Variants in PPP2R2B observed in about 807,000 individuals in gnomAD.
The protein encoded by PPP2R2B is serine/threonine-protein phosphatase 2A 55 kDa regulatory subunit B beta isoform.
PPP2R2B carries 5 observed loss-of-function variants against 46.0 expected under a neutral mutation model. The ratio of observed to expected loss-of-function variants is 0.11; its 90% CI spans 0.06 to 0.23. The LOEUF is 0.23. Among genes scored for constraint, PPP2R2B ranks in the 10% least tolerant of loss-of-function variants. PPP2R2B has a pLI of 1.00. For missense variants in PPP2R2B, 367 were observed against 575.0 expected, an observed-to-expected ratio of 0.64 and a Z score of 3.70; for synonymous variants, 215 against 206.7, an observed-to-expected ratio of 1.04 and a Z score of -0.34.
intron 2 of PPP2R2B, among the ~76,000 whole-genome samples, chr5:146,784,692 G>A (rs958648136): frequency 3.3e-5 from 5 of 152,104 alleles, no homozygotes; most frequent in African/African-American, 1.2e-4. Flanking sequence ...TTCTTTTTGT[G>A]TGGCTCTCAG....
chr5:147,035,284 G>A (rs762038537), intron 1 of PPP2R2B: 17 of 360,522 alleles, frequency 4.7e-5, no homozygotes, highest in Middle Eastern at 9.7e-4. Flanking sequence ...GAGGGGAGAA[G>A]GTGCCACACT....
intron 7 of PPP2R2B, among the ~76,000 whole-genome samples, chr5:146,629,255 C>G (rs322486): frequency 0.13 from 19,100 of 152,152 alleles, 2,310 homozygotes; most frequent in African/African-American, 0.3. Context: ...TTGGTCTTTC[C>G]ATGCCAAAAC....
intron 2 of PPP2R2B, among the ~76,000 whole-genome samples, chr5:146,738,513 C>T (rs1752678229): frequency 6.6e-6 from 1 of 152,008 alleles, no homozygotes; most frequent in Non-Finnish European, 1.5e-5. Context: ...CAAGATTTCA[C>T]CTGGGGAACT....
chr5:146,826,447 A>T (rs2151341247), intron 2 of PPP2R2B, among the ~76,000 whole-genome samples: 1 of 152,172 alleles, frequency 6.6e-6, no homozygotes, highest in Middle Eastern at 3.4e-3. Flanking sequence ...TTTTAGGAGG[A>T]GGGGGATAAG....
chr5:146,957,661 T>C (rs1274420388), intron 1 of PPP2R2B, among the ~76,000 whole-genome samples: 2 of 152,162 alleles, frequency 1.3e-5, no homozygotes, highest in Non-Finnish European at 2.9e-5. Context: ...ATGTAGGTTG[T>C]ACTCTACCCA....
upstream of PPP2R2B, among the ~76,000 whole-genome samples, chr5:146,882,770 TAC>T (rs904507515): frequency 3.9e-5 from 6 of 152,194 alleles, no homozygotes; most frequent in African/African-American, 1.2e-4. Flanking sequence ...GTGTCTAATT[TAC>T]AGTTTATGTA....
intron 2 of PPP2R2B, among the ~76,000 whole-genome samples, chr5:146,743,889 G>T (rs1033874590): frequency 1.8e-4 from 28 of 152,110 alleles, no homozygotes; most frequent in African/African-American, 6.0e-4. Context: ...GGGTTACCAA[G>T]ATTAAAACTA....
chr5:146,950,476 G>A (rs1014085957), intron 1 of PPP2R2B, among the ~76,000 whole-genome samples: 5 of 152,000 alleles, frequency 3.3e-5, no homozygotes, highest in African/African-American at 1.2e-4. Flanking sequence ...GCAGCACAGT[G>A]AATCACCTGG....
intron 2 of PPP2R2B, among the ~76,000 whole-genome samples, chr5:146,754,809 C>G (rs1753747306): frequency 6.6e-6 from 1 of 152,164 alleles, no homozygotes; most frequent in Non-Finnish European, 1.5e-5. Context: ...ACAGAAGACT[C>G]CAGGCAACAG....
At chr5:146,955,091 C>G (rs1751825311) in intron 1 of PPP2R2B, among the ~76,000 whole-genome samples, 1 of 152,100 alleles carries the variant, frequency 6.6e-6, no homozygotes, top group South Asian at 2.1e-4. Context: ...ATTAACTCAT[C>G]TAGTGAGAGT....
chr5:146,590,219 T>G lies in PPP2R2B; in HGVS notation c.1060A>C (p.Met354Leu). The part of the protein sequence containing the change: ...CVWNGSDSVI[M>L]TGSYNNFFRM... ...AAGAAGTTGTTGTAGGAGCCTGTCATGATGACACTGCAAGGCAGAGAGCAA... is the reference window on the plus strand; with the variant it reads ...AAGAAGTTGTTGTAGGAGCCTGTCAGGATGACACTGCAAGGCAGAGAGCAA... Residue 354 changes from methionine (M) to leucine (L), a missense_variant, in exon 10 of 10, where the codon ATG becomes CTG. Met to Leu is a conservative substitution (Grantham distance 15). This residue lies in a region of PPP2R2B where 361 missense variants were observed against 545.5 expected (regional missense o/e 0.66). Transcript: ENST00000394411. 1 of 1,576,038 alleles carries G rather than the reference T, an allele frequency of 6.3e-7. No individual in the cohort carries two copies. The highest frequency in any genetic ancestry group is 8.6e-7 in the Non-Finnish European group (1 of 1,167,656).
At chr5:146,823,871 GA>G (rs1758416625) in intron 2 of PPP2R2B, among the ~76,000 whole-genome samples, 1 of 152,144 alleles carries the variant, frequency 6.6e-6, no homozygotes, top group Non-Finnish European at 1.5e-5. Flanking sequence ...ATTTGAAAAA[GA>G]AAAGTTGGCT....
chr5:146,841,714 A>G (rs1759657406), intron 2 of PPP2R2B, among the ~76,000 whole-genome samples: 1 of 152,204 alleles, frequency 6.6e-6, no homozygotes, highest in Non-Finnish European at 1.5e-5. Context: ...GTTCTCACTT[A>G]TAAGTGGGAG....
rs143481319 is a variant in PPP2R2B, at chr5:146,838,313, T to C, written c.70+39689A>G. On this transcript the variant is annotated intron_variant, in intron 2 of 9. Coordinates refer to ENST00000394411, the MANE Select transcript of PPP2R2B (RefSeq NM_181675.4). ...AAGGAAGGGAGGCCGGGCTCACACCTGTAATGCCAGCACTTTGGGAGGCCA... is the reference window on the plus strand; with the variant it reads ...AAGGAAGGGAGGCCGGGCTCACACCCGTAATGCCAGCACTTTGGGAGGCCA... Among the ~76,000 whole-genome samples, 1,087 of 151,968 alleles carry C rather than the reference T, an allele frequency of 7.2e-3. 12 individuals carry two copies. The highest frequency in any genetic ancestry group is 0.025 in the African/African-American group (1,048 of 41,440).
intron 2 of PPP2R2B, among the ~76,000 whole-genome samples, chr5:147,072,103 T>C (rs532328437): frequency 3.3e-5 from 5 of 152,326 alleles, no homozygotes; most frequent in South Asian, 2.1e-4. Flanking sequence ...TTCTGGTCTC[T>C]ATAAGACATT....
intron 2 of PPP2R2B, among the ~76,000 whole-genome samples, chr5:146,872,799 C>T (rs150856111): frequency 8.6e-4 from 131 of 152,264 alleles, no homozygotes; most frequent in African/African-American, 2.9e-3. Flanking sequence ...TTTATGCTTA[C>T]CAAGGCCCTA....
chr5:146,764,750 G>C (rs1754368875), intron 2 of PPP2R2B, among the ~76,000 whole-genome samples: 2 of 152,010 alleles, frequency 1.3e-5, no homozygotes, highest in Admixed American at 1.3e-4. Flanking sequence ...CTAATCTCAA[G>C]AGGTGATCTT....
chr5:146,860,876 T>C lies in PPP2R2B; in HGVS notation c.70+17126A>G, dbSNP rs533768210. ...GATCAGAGATATAGTCTTAGCTTTC[T>C]TGTCGCAGCCAAGACATAAGGACCA... is the stretch of plus-strand genomic sequence containing the variant. On this transcript the variant is annotated intron_variant, in intron 2 of 9. Transcript: ENST00000394411. Among the ~76,000 whole-genome samples, 11 of 152,190 alleles carry C rather than the reference T, an allele frequency of 7.2e-5. No individual in the cohort carries two copies. In the South Asian group the frequency reaches 1.0e-3, roughly 14 times the overall value.
intron 1 of PPP2R2B, among the ~76,000 whole-genome samples, chr5:146,997,939 G>C (rs1391324223): frequency 6.6e-6 from 1 of 152,142 alleles, no homozygotes; most frequent in East Asian, 1.9e-4. Context: ...TGCAAAGTTT[G>C]ATTTAAATGA....
Sources: gnomAD v4.1 joint callset for allele counts (sites outside exome capture counted in the v4.1 genomes callset) on GRCh38, gnomAD v4.1.1 for gene constraint, gnomAD v4.1.1 regional missense constraint, MANE v1.5 for transcripts, NCBI Gene and HGNC (gene_info 2026-07-23, HGNC 2026-07-21) for gene names.